The following TSPAN7 variants were observed in gnomAD, a reference collection of about 807,000 sequenced individuals.
The protein encoded by TSPAN7 is tetraspanin-7.
A neutral mutation model predicts 17.6 loss-of-function variants in TSPAN7; 1 was observed. The observed-to-expected ratio is 0.06, with a 90% CI of 0.02 to 0.27. The LOEUF is 0.27. Among genes scored for constraint, TSPAN7 ranks in the 10% least tolerant of loss-of-function variants. The pLI is 1.00. For synonymous variants in TSPAN7, 78 were observed against 79.0 expected (o/e 0.99, Z 0.07); for missense variants, 112 against 201.7 (o/e 0.56, Z 2.69).
intron 1 of TSPAN7, among the ~76,000 whole-genome samples, chrX:38,573,174 G>C (rs1476751357): frequency 8.9e-6 from 1 of 111,833 alleles, no homozygotes; most frequent in African/African-American, 3.2e-5. Context: ...GGGAGGTACT[G>C]TATCAATACT....
At chrX:38,655,709 A>G (rs2069699784) in intron 1 of TSPAN7, among the ~76,000 whole-genome samples, 1 of 111,442 alleles carries the variant, frequency 9.0e-6, no homozygotes. Context: ...AACCCACCTC[A>G]TCACACCCCA....
In TSPAN7 at chrX:38,561,581, T is replaced by C; in HGVS notation, c.35T>C (p.Ile12Thr). Reference protein sequence around the residue: ...ASRRMETKPVITCLKTLLIIY... With the variant: ...ASRRMETKPVTTCLKTLLIIY... ...AGGAGAATGGAGACCAAACCTGTGATAACCTGTCTCAAAACCCTCCTCATC... is the reference window on the plus strand; with the variant it reads ...AGGAGAATGGAGACCAAACCTGTGACAACCTGTCTCAAAACCCTCCTCATC... Residue 12 changes from isoleucine to threonine, a missense_variant, in exon 1 of 8, where the codon ATA becomes ACA. Ile to Thr is a moderately conservative substitution (Grantham distance 89). Coordinates refer to ENST00000378482, the MANE Select transcript of TSPAN7 (RefSeq NM_004615.4). 8.3e-7 allele frequency: 1 copy of C among 1,206,461 alleles called. No individual in the cohort carries two copies. Among genetic ancestry groups the C allele is most frequent in the Non-Finnish European group, 1.1e-6 (1 of 892,639 alleles).
At chrX:38,616,825 ACCT>A (rs1175181184) in intron 1 of TSPAN7, among the ~76,000 whole-genome samples, 2 of 110,848 alleles carry the variant, frequency 1.8e-5, no homozygotes, top group African/African-American at 6.6e-5. Flanking sequence ...GCCCCTATGA[ACCT>A]CCTCTCACCT....
intron 1 of TSPAN7, among the ~76,000 whole-genome samples, chrX:38,586,819 A>C (rs2069260534): frequency 1.8e-5 from 2 of 112,037 alleles, no homozygotes; most frequent in African/African-American, 6.5e-5. Context: ...CCAGATTAGC[A>C]TGTGCTCTTT....
At chrX:38,664,569 T>C (rs918055546) in intron 1 of TSPAN7, among the ~76,000 whole-genome samples, 4 of 112,201 alleles carry the variant, frequency 3.6e-5, no homozygotes, top group African/African-American at 9.7e-5. Context: ...GCCATCTCCA[T>C]TGGAATTTTT....
chrX:38,604,604 A>G (rs1221475857), intron 1 of TSPAN7, among the ~76,000 whole-genome samples: 1 of 111,006 alleles, frequency 9.0e-6, no homozygotes, highest in Non-Finnish European at 1.9e-5. Context: ...TTTGATTTGC[A>G]TTTCTCTGAT....
At chrX:38,683,780 A>G (rs2069907496) in intron 6 of TSPAN7, among the ~76,000 whole-genome samples, 1 of 113,214 alleles carries the variant, frequency 8.8e-6, no homozygotes, top group Non-Finnish European at 1.9e-5. Flanking sequence ...CACTTACCAG[A>G]TGCCTGTTCA....
intron 1 of TSPAN7, among the ~76,000 whole-genome samples, chrX:38,642,672 A>C (rs2069619819): frequency 1.8e-5 from 2 of 112,103 alleles, no homozygotes; most frequent in African/African-American, 6.5e-5. Context: ...CACATAATAC[A>C]AACAACTACA....
intron 1 of TSPAN7, among the ~76,000 whole-genome samples, chrX:38,582,743 A>C (rs1432170995): frequency 8.9e-6 from 1 of 112,362 alleles, no homozygotes; most frequent in African/African-American, 3.2e-5. Context: ...TGTGAAAAGT[A>C]ACCCCCTACA....
chrX:38,638,770 T>A, intron 1 of TSPAN7, among the ~76,000 whole-genome samples: 1 of 111,853 alleles, frequency 8.9e-6, no homozygotes, highest in South Asian at 3.8e-4. Context: ...GGGCTTCAGA[T>A]TTTTTTGAAT....
chrX:38,660,816 C>A (rs891051094), intron 1 of TSPAN7, among the ~76,000 whole-genome samples: 3 of 111,718 alleles, frequency 2.7e-5, no homozygotes, highest in African/African-American at 9.8e-5. Context: ...CTCTGTGATT[C>A]AATTTCTGTT....
chrX:38,619,421 A>C (rs1007764615), intron 1 of TSPAN7, among the ~76,000 whole-genome samples: 4 of 111,975 alleles, frequency 3.6e-5, no homozygotes, highest in African/African-American at 6.5e-5. Context: ...ATAGGTTATC[A>C]GTGTTTATTA....
At chrX:38,660,261 C>A (rs1001471764) in intron 1 of TSPAN7, among the ~76,000 whole-genome samples, 2 of 112,017 alleles carry the variant, frequency 1.8e-5, no homozygotes, top group African/African-American at 6.5e-5. Flanking sequence ...AGTATACATA[C>A]AATTTGTAAT....
intron 1 of TSPAN7, among the ~76,000 whole-genome samples, chrX:38,587,971 A>G (rs762438562): frequency 1.4e-3 from 156 of 112,006 alleles, no homozygotes; most frequent in Non-Finnish European, 2.6e-3. Context: ...TGTCTGCAGT[A>G]AAGTGGATGG....
At chrX:38,581,398 G>C (rs1292154052) in intron 1 of TSPAN7, among the ~76,000 whole-genome samples, 1 of 111,946 alleles carries the variant, frequency 8.9e-6, no homozygotes, top group Admixed American at 9.4e-5. Context: ...CTTACATGCG[G>C]CAGGCAAGAG....
At chrX:38,585,154 A>G (rs2069251229) in intron 1 of TSPAN7, among the ~76,000 whole-genome samples, 1 of 111,836 alleles carries the variant, frequency 8.9e-6, no homozygotes, top group African/African-American at 3.3e-5. Flanking sequence ...TGCTGCTACG[A>G]GCACTCTTTT....
At chrX:38,615,350 A>G (rs1449856520) in intron 1 of TSPAN7, among the ~76,000 whole-genome samples, 2 of 111,570 alleles carry the variant, frequency 1.8e-5, no homozygotes, top group East Asian at 2.8e-4. Flanking sequence ...TTTTCCCCCA[A>G]TGCAAAGTAA....
chrX:38,646,398 C>A, intron 1 of TSPAN7: 1 of 907,006 alleles, frequency 1.1e-6, no homozygotes, highest in Non-Finnish European at 1.5e-6. Context: ...TTTGTTTTTA[C>A]TCTCCCTGAA....
At chrX:38,677,965 T>C (rs1394504219) in intron 5 of TSPAN7, among the ~76,000 whole-genome samples, 1 of 112,339 alleles carries the variant, frequency 8.9e-6, no homozygotes, top group Non-Finnish European at 1.9e-5. Flanking sequence ...ATCATCCCTG[T>C]AGATCCTGTG....
Sources: gnomAD v4.1 joint callset for allele counts (sites outside exome capture counted in the v4.1 genomes callset) on GRCh38, gnomAD v4.1.1 for gene constraint, MANE v1.5 for transcripts, NCBI Gene and HGNC (gene_info 2026-07-23, HGNC 2026-07-21) for gene names.